Variants in KCNB2 observed in about 807,000 individuals in gnomAD.
KCNB2 encodes delayed rectifier potassium channel protein.
Under a neutral mutation model 61.5 loss-of-function variants are expected in KCNB2, and 15 were observed. That is an observed-to-expected ratio of 0.24 (90% CI 0.16 to 0.38). The LOEUF is 0.38. KCNB2 is among the 10% of genes least tolerant of loss of function. The probability of loss-of-function intolerance (pLI) is 1.00; values close to 1 mark genes in which losing one functional copy is unlikely to be tolerated. For missense variants in KCNB2, 828 were observed against 1,125.2 expected (o/e 0.74, Z 3.78); for synonymous variants, 457 against 446.0 (o/e 1.02, Z -0.31).
chr8:72,789,065 A>C (rs1808892690), intron 2 of KCNB2, among the ~76,000 whole-genome samples: 1 of 152,182 alleles, frequency 6.6e-6, no homozygotes, highest in East Asian at 1.9e-4. Flanking sequence ...CTCACAGGCC[A>C]CTGGGAAAGG....
intron 2 of KCNB2, among the ~76,000 whole-genome samples, chr8:72,587,613 C>T (rs1807020465): frequency 6.6e-6 from 1 of 151,994 alleles, no homozygotes; most frequent in African/African-American, 2.4e-5. Flanking sequence ...GCCTGCAGTC[C>T]AGCTACTCAG....
intron 2 of KCNB2, among the ~76,000 whole-genome samples, chr8:72,592,258 G>A (rs1375141359): frequency 2.0e-5 from 3 of 152,152 alleles, no homozygotes; most frequent in African/African-American, 7.2e-5. Context: ...CTCTAAAAGA[G>A]AGAAAATGGA....
intron 2 of KCNB2, among the ~76,000 whole-genome samples, chr8:72,849,645 T>G (rs553604410): frequency 6.6e-6 from 1 of 152,220 alleles, no homozygotes; most frequent in African/African-American, 2.4e-5. Flanking sequence ...CTTTGAAAAT[T>G]TATAGACTTT....
At chr8:72,579,287 A>G (rs1205683219) in intron 2 of KCNB2, among the ~76,000 whole-genome samples, 1 of 152,024 alleles carries the variant, frequency 6.6e-6, no homozygotes, top group Non-Finnish European at 1.5e-5. Context: ...CAGACTTCAT[A>G]TTTATTTTTC....
intron 2 of KCNB2, among the ~76,000 whole-genome samples, chr8:72,924,824 C>G (rs1806603875): frequency 6.6e-6 from 1 of 152,126 alleles, no homozygotes; most frequent in Non-Finnish European, 1.5e-5. Flanking sequence ...ACCTGTCATG[C>G]TTGCAACGGA....
intron 2 of KCNB2, among the ~76,000 whole-genome samples, chr8:72,840,850 G>A (rs1425141463): frequency 1.3e-5 from 2 of 152,004 alleles, no homozygotes; most frequent in African/African-American, 4.8e-5. Context: ...CTATTCTGTA[G>A]GTTGCCTGTT....
intron 2 of KCNB2, among the ~76,000 whole-genome samples, chr8:72,666,233 C>T (rs1004957988): frequency 6.6e-5 from 10 of 152,140 alleles, no homozygotes; most frequent in South Asian, 2.1e-4. Flanking sequence ...TTCTGGTAGG[C>T]GTTATTTTCT....
chr8:72,886,792 G>C (rs1805814118), intron 2 of KCNB2, among the ~76,000 whole-genome samples: 1 of 152,232 alleles, frequency 6.6e-6, no homozygotes, highest in Non-Finnish European at 1.5e-5. Flanking sequence ...GCATCGCAGT[G>C]GCAGCTGGCA....
intron 1 of KCNB2, among the ~76,000 whole-genome samples, chr8:72,540,314 T>A (rs1459100195): frequency 6.6e-6 from 1 of 152,166 alleles, no homozygotes; most frequent in African/African-American, 2.4e-5. Flanking sequence ...TCATGCATAT[T>A]TTAAGGAAAA....
chr8:72,845,954 T>C (rs1255825341), intron 2 of KCNB2, among the ~76,000 whole-genome samples: 1 of 151,008 alleles, frequency 6.6e-6, no homozygotes, highest in Non-Finnish European at 1.5e-5. Context: ...TGAACAGTTC[T>C]GTCTTTCTGG....
chr8:72,667,404 G>T (rs564523193), intron 2 of KCNB2, among the ~76,000 whole-genome samples: 12 of 152,078 alleles, frequency 7.9e-5, no homozygotes, highest in South Asian at 2.1e-4. Flanking sequence ...GATCCTCTCA[G>T]CTTAGATGTT....
chr8:72,643,706 A>G (rs1188801294), intron 2 of KCNB2, among the ~76,000 whole-genome samples: 1 of 152,162 alleles, frequency 6.6e-6, no homozygotes, highest in African/African-American at 2.4e-5. Context: ...AATGGAAAGT[A>G]TGGAGACACT....
At chr8:72,583,948 C>CAAAAAAAAAA (rs71566823) in intron 2 of KCNB2, among the ~76,000 whole-genome samples, 78 of 100,536 alleles carry the variant, frequency 7.8e-4, no homozygotes, top group Middle Eastern at 6.9e-3. Context: ...AATAGAATAT[C>CAAAAAAAAAA]AAAAAAAAAA....
chr8:72,752,870 ACACTGTG>A (rs1476116323), intron 2 of KCNB2, among the ~76,000 whole-genome samples: 1 of 152,186 alleles, frequency 6.6e-6, no homozygotes, highest in Non-Finnish European at 1.5e-5. Flanking sequence ...TTCTTCCAAG[ACACTGTG>A]CACTGAACTC....
chr8:72,645,548 C>T (rs1585803969), intron 2 of KCNB2, among the ~76,000 whole-genome samples: 1 of 152,262 alleles, frequency 6.6e-6, no homozygotes, highest in East Asian at 1.9e-4. Context: ...ATTCACTTGG[C>T]TTAGCTCTTA....
chr8:72,594,318 A>G (rs919134972), intron 2 of KCNB2, among the ~76,000 whole-genome samples: 4 of 152,062 alleles, frequency 2.6e-5, no homozygotes, highest in African/African-American at 9.7e-5. Flanking sequence ...AATCCCTGCC[A>G]CTGAGCATTA....
intron 2 of KCNB2, among the ~76,000 whole-genome samples, chr8:72,806,355 GAAA>G (rs113106261): frequency 3.1e-5 from 3 of 97,416 alleles, no homozygotes. Flanking sequence ...GAGACTCTAA[GAAA>G]AAAAAAAAAA....
intron 2 of KCNB2, among the ~76,000 whole-genome samples, chr8:72,617,572 A>G (rs1054873184): frequency 1.4e-5 from 2 of 148,048 alleles, no homozygotes. Flanking sequence ...CATTTTTGTC[A>G]GTATAGGCTA....
chr8:72,538,373 T>C (rs1806145139), intron 1 of KCNB2, among the ~76,000 whole-genome samples: 1 of 152,156 alleles, frequency 6.6e-6, no homozygotes, highest in Non-Finnish European at 1.5e-5. Context: ...CATGGCTGTT[T>C]CCAACACACT....
Sources: allele counts gnomAD v4.1 joint callset (sites outside exome capture counted in the v4.1 genomes callset), GRCh38; gene constraint gnomAD v4.1.1; transcripts MANE v1.5; gene names NCBI Gene and HGNC (gene_info 2026-07-23, HGNC 2026-07-21).